Variants in MORN3 observed in about 807,000 individuals in gnomAD.
MORN3 encodes the protein MORN repeat-containing protein 3.
In MORN3, 38 loss-of-function variants were observed where a neutral mutation model predicts 34.7. The observed-to-expected ratio is 1.10, with a 90% CI of 0.85 to 1.44. The LOEUF (loss-of-function observed/expected upper bound fraction) is 1.44, where lower values mean the gene tolerates loss of function less well. Among genes scored for constraint, MORN3 ranks in the 40% most tolerant of loss-of-function variants. The pLI is 0.00. For synonymous variants in MORN3, 109 were observed against 115.3 expected (o/e 0.95, Z 0.35); for missense variants, 311 against 321.7 (o/e 0.97, Z 0.25).
intron 1 of MORN3, among the ~76,000 whole-genome samples, chr12:121,668,820 G>A (rs1893856477): frequency 6.6e-6 from 1 of 152,086 alleles, no homozygotes; most frequent in African/African-American, 2.4e-5. Context: ...TTTTTCCCCA[G>A]TCAGGATTTA....
At chr12:121,667,643 C>G (rs189003973) in intron 1 of MORN3, among the ~76,000 whole-genome samples, 13 of 152,212 alleles carry the variant, frequency 8.5e-5, no homozygotes. Context: ...GGTATATTCT[C>G]TGCTCCAGCT....
chr12:121,669,387 C>A lies in MORN3; in HGVS notation c.97G>T (p.Val33Leu). 1 of 1,614,116 alleles carries A rather than the reference C, an allele frequency of 6.2e-7. No homozygotes were observed. The highest frequency in any genetic ancestry group is 8.5e-7 in the Non-Finnish European group (1 of 1,179,972). ...TCGCCCACATAGTAGTCGCCATTCACAGCGTATACCTGGCTCCGCAGGCCG... is the reference window on the plus strand; with the variant it reads ...TCGCCCACATAGTAGTCGCCATTCAAAGCGTATACCTGGCTCCGCAGGCCG... ...RNGLRSQVYA[V>L]NGDYYVGEWK... is the part of the protein sequence containing the mutation. Residue 33 changes from valine to leucine, a missense_variant, in exon 1 of 6, where the codon GTG becomes TTG. By Grantham distance (32) the Val-to-Leu change is conservative. Coordinates refer to ENST00000355329, the MANE Select transcript of MORN3 (RefSeq NM_173855.5).
At chr12:121,665,510 G>C (rs1893725506) in intron 1 of MORN3, among the ~76,000 whole-genome samples, 1 of 151,376 alleles carries the variant, frequency 6.6e-6, no homozygotes, top group Admixed American at 6.6e-5. Flanking sequence ...GCTCACGCCT[G>C]TAATCCCGGC....
intron 1 of MORN3, among the ~76,000 whole-genome samples, chr12:121,662,401 A>G (rs1893609852): frequency 6.6e-6 from 1 of 152,126 alleles, no homozygotes; most frequent in South Asian, 2.1e-4. Context: ...TCAGAGGCAG[A>G]GGTTGCAGTG....
intron 2 of MORN3, among the ~76,000 whole-genome samples, chr12:121,654,782 G>C (rs1307086784): frequency 2.0e-5 from 3 of 151,646 alleles, no homozygotes; most frequent in Non-Finnish European, 4.4e-5. Flanking sequence ...ATTTTTAGGA[G>C]AGACAGGGTT....
At chr12:121,658,269 T>C (rs911850595) in intron 2 of MORN3, among the ~76,000 whole-genome samples, 3 of 152,124 alleles carry the variant, frequency 2.0e-5, no homozygotes, top group Non-Finnish European at 4.4e-5. Flanking sequence ...GTTAACTGAA[T>C]ATTAAATGTG....
At chr12:121,659,165 A>ACACACACC in intron 2 of MORN3, 26 bp downstream of exon 2, 2 of 1,542,646 alleles carry the variant, frequency 1.3e-6, no homozygotes, top group Non-Finnish European at 1.8e-6. Flanking sequence ...ACACACACAC[A>ACACACACC]CACCCCGGCT....
chr12:121,665,151 G>T (rs1211216984), intron 1 of MORN3, among the ~76,000 whole-genome samples: 1 of 151,816 alleles, frequency 6.6e-6, no homozygotes, highest in Non-Finnish European at 1.5e-5. Flanking sequence ...TCCAACAGTC[G>T]AGTTAGGGGT....
In MORN3 at chr12:121,659,245, CTGTT is replaced by C; in HGVS notation, c.245_248del (p.Gln82ArgfsTer72). On this transcript the variant is annotated frameshift_variant, in exon 2 of 6. Coordinates refer to ENST00000355329, the MANE Select transcript of MORN3 (RefSeq NM_173855.5). LOFTEE classifies it high-confidence loss of function. ...AGTAGACTCTCCTGCACTTTCCTGT[CTGTT>C]GGTCAGGAAGGCTGAGGGTGCCGTA... The C allele has an allele frequency of 6.2e-7, 1 of 1,614,084 alleles. No homozygotes were observed. Among genetic ancestry groups the C allele is most frequent in the Non-Finnish European group, 8.5e-7 (1 of 1,180,034 alleles).
chr12:121,654,132 C>A, intron 3 of MORN3, 142 bp downstream of exon 3: 1 of 648,734 alleles, frequency 1.5e-6, no homozygotes, highest in African/African-American at 1.9e-5. Flanking sequence ...TGCTCTTCCT[C>A]TCTTGTCCCA....
Position 121,651,011 on chromosome 12 carries a change from A to G in MORN3, c.*640T>C, listed in dbSNP as rs1204651625. 1 of 152,104 alleles carries G rather than the reference A, an allele frequency of 6.6e-6. No homozygotes were observed. The highest frequency in any genetic ancestry group is 1.5e-5 in the Non-Finnish European group (1 of 68,038). The allele number at this position is 152,104 out of a possible 1,614,324, so 9.4% of individuals were successfully genotyped here. ...TGAGAAGTGGTCAGGAAATTTTATG[A>G]TCTCCAATCTTGGCAGCCAGTGTGG... is the stretch of plus-strand genomic sequence containing the variant. On this transcript the variant is annotated 3_prime_UTR_variant, in exon 6 of 6. Transcript: ENST00000355329.
In MORN3 at chr12:121,654,323, C is replaced by G. The variant is rs782428830; in HGVS notation, c.414G>C (p.Glu138Asp). 14 of 1,602,772 alleles carry G rather than the reference C, an allele frequency of 8.7e-6. No individual in the cohort carries two copies. The highest frequency in any genetic ancestry group is 1.6e-4 in the Middle Eastern group (1 of 6,072). The change falls in exon 3 of 6, where the codon GAG becomes GAC. Residue 138 changes from glutamate (E) to aspartate (D), a missense_variant. Glu to Asp is a conservative substitution (Grantham distance 45). Coordinates refer to ENST00000355329, the MANE Select transcript of MORN3 (RefSeq NM_173855.5). ...TGGGCTTGTCGTTCTCCCACTGTCC[C>G]TCGTAGATGTCGCCGTTGCTGTAAT... ...RMYYSNGDIY[E>D]GQWENDKPNG...
Position 121,669,416 on chromosome 12 carries a change from C to A in MORN3, c.68G>T (p.Arg23Met). Residue 23 changes from arginine (R) to methionine (M), a missense_variant, in exon 1 of 6, where the codon AGG (arginine) becomes ATG (methionine). Physicochemically the swap from Arg to Met is moderately conservative, Grantham distance 91. Transcript: ENST00000355329. ...GTATACCTGGCTCCGCAGGCCGTTC[C>A]TCTGGGCCTTCCGGTCCCACCCCTT... ...LWKGWDRKAQ[R>M]NGLRSQVYAV... 6.2e-7 allele frequency: 1 copy of A among 1,614,162 alleles called. No individual in the cohort carries two copies. The highest frequency in any genetic ancestry group is 8.5e-7 in the Non-Finnish European group (1 of 1,179,980).
intron 1 of MORN3, among the ~76,000 whole-genome samples, chr12:121,664,667 C>T (rs1220956063): frequency 6.6e-6 from 1 of 151,854 alleles, no homozygotes; most frequent in Non-Finnish European, 1.5e-5. Context: ...GCAGGAGAAT[C>T]GCTTGAACCC....
At chr12:121,661,281 G>A (rs943348377) in intron 1 of MORN3, among the ~76,000 whole-genome samples, 3 of 152,100 alleles carry the variant, frequency 2.0e-5, no homozygotes, top group Admixed American at 6.6e-5. Flanking sequence ...TAGAGATGGG[G>A]TCTTGCTATG....
chr12:121,659,259 G>C lies in MORN3; in HGVS notation c.235C>G (p.Leu79Val), dbSNP rs750780231. ...GKRDGYGTLS[L>V]PDQQTGKCRR... is the part of the protein sequence containing the mutation. ...CACTTTCCTGTCTGTTGGTCAGGAA[G>C]GCTGAGGGTGCCGTAGCCGTCTCGC... The change falls in exon 2 of 6, where the codon CTT (leucine) becomes GTT (valine). Residue 79 changes from leucine to valine, a missense_variant. By Grantham distance (32) the Leu-to-Val change is conservative (BLOSUM62 1). Coordinates refer to ENST00000355329, the MANE Select transcript of MORN3 (RefSeq NM_173855.5). 62 of 1,613,934 alleles carry C rather than the reference G, an allele frequency of 3.8e-5. No homozygotes were observed. Among genetic ancestry groups the C allele is most frequent in the Non-Finnish European group, 5.3e-5 (62 of 1,180,014 alleles).
Position 121,649,610 on chromosome 12 carries a change from A to G in MORN3, c.*2041T>C, listed in dbSNP as rs929956595. ...TGACTTAGGGGGCAGAGAGAACCTC[A>G]GTAAGGTCAGTGGTGTTTATTGAGG... On this transcript the variant is annotated 3_prime_UTR_variant, in exon 6 of 6. Transcript: ENST00000355329. 4 of 152,076 alleles carry G rather than the reference A, an allele frequency of 2.6e-5. No individual in the cohort carries two copies. The highest frequency in any genetic ancestry group is 7.2e-5 in the African/African-American group (3 of 41,396). The allele number at this position is 152,076 out of a possible 1,614,324, so 9.4% of individuals were successfully genotyped here.
At chr12:121,655,757 G>A (rs139523114) in intron 2 of MORN3, among the ~76,000 whole-genome samples, 607 of 151,644 alleles carry the variant, frequency 4.0e-3, no homozygotes, top group Non-Finnish European at 5.5e-3. Context: ...TAGGCTGGGC[G>A]CTGTGGCTCA....
rs767807429 is a variant in MORN3 at position 121,669,316 on chromosome 12, G to T, written c.145+23C>A. ...CTGTGGCTCTGACCCCACTCCGGCC[G>T]CCCGTCCCGGAGTCCCACTCACCGT... On this transcript the variant is annotated intron_variant, in intron 1 of 5. Coordinates refer to ENST00000355329, the MANE Select transcript of MORN3 (RefSeq NM_173855.5). 10 of 1,610,914 alleles carry T rather than the reference G, an allele frequency of 6.2e-6. No individual in the cohort carries two copies. The East Asian group carries it at 1.6e-4, about 25-fold the overall frequency.
Sources: allele counts gnomAD v4.1 joint callset (sites outside exome capture counted in the v4.1 genomes callset), GRCh38; gene constraint gnomAD v4.1.1; transcripts MANE v1.5; gene names NCBI Gene and HGNC (gene_info 2026-07-23, HGNC 2026-07-21).